Variants in SMARCAD1 observed in about 807,000 individuals in gnomAD.
SMARCAD1 encodes the protein SWI/SNF-related matrix-associated actin-dependent regulator of chromatin subfamily A containing DEAD/H box 1.
Under a neutral mutation model 127.1 loss-of-function variants are expected in SMARCAD1, and 25 were observed. The ratio of observed to expected loss-of-function variants is 0.20; its 90% CI spans 0.14 to 0.27. The LOEUF (loss-of-function observed/expected upper bound fraction) is 0.27. Among genes scored for constraint, SMARCAD1 ranks in the 10% least tolerant of loss-of-function variants. The pLI is 1.00. For synonymous variants in SMARCAD1, 400 were observed against 396.9 expected (o/e 1.01, Z -0.09); for missense variants, 807 against 1,206.0 (o/e 0.67, Z 4.90).
At chr4:94,229,715 C>T (rs1745537720) in intron 3 of SMARCAD1, among the ~76,000 whole-genome samples, 1 of 151,760 alleles carries the variant, frequency 6.6e-6, no homozygotes, top group South Asian at 2.1e-4. Flanking sequence ...TGTCATTGCC[C>T]TTTCAGCAGA....
At chr4:94,243,089 T>C (rs1747847724) in intron 6 of SMARCAD1, among the ~76,000 whole-genome samples, 1 of 152,202 alleles carries the variant, frequency 6.6e-6, no homozygotes, top group South Asian at 2.1e-4. Context: ...CCCACGTAGC[T>C]GGGATTACAG....
intron 2 of SMARCAD1, among the ~76,000 whole-genome samples, chr4:94,219,384 T>G (rs555096418): frequency 2.0e-5 from 3 of 152,178 alleles, no homozygotes; most frequent in Non-Finnish European, 4.4e-5. Flanking sequence ...CACTAGTGAT[T>G]TTTTTTGTTC....
intron 21 of SMARCAD1, among the ~76,000 whole-genome samples, chr4:94,282,219 C>A (rs1395717727): frequency 1.1e-5 from 1 of 93,312 alleles, no homozygotes; most frequent in African/African-American, 3.3e-5. Flanking sequence ...GCCTCAGCCT[C>A]CCGAGTAGCT....
chr4:94,214,361 A>G (rs932503706), intron 2 of SMARCAD1, among the ~76,000 whole-genome samples: 2 of 149,736 alleles, frequency 1.3e-5, no homozygotes, highest in African/African-American at 5.0e-5. Context: ...TCTCGGGTTC[A>G]TGCCATTCTT....
chr4:94,226,914 G>C (rs1745111646), intron 3 of SMARCAD1, among the ~76,000 whole-genome samples: 1 of 151,558 alleles, frequency 6.6e-6, no homozygotes, highest in South Asian at 2.1e-4. Flanking sequence ...ATGTTGTCCA[G>C]GCTGCTCTCA....
At chr4:94,231,856 T>C (rs1036014272) in intron 3 of SMARCAD1, among the ~76,000 whole-genome samples, 6 of 152,178 alleles carry the variant, frequency 3.9e-5, no homozygotes, top group African/African-American at 1.4e-4. Context: ...AAACAGATTT[T>C]TCTTTTTCTT....
chr4:94,240,662 A>G (rs938458059), intron 5 of SMARCAD1, among the ~76,000 whole-genome samples: 8 of 152,160 alleles, frequency 5.3e-5, no homozygotes, highest in African/African-American at 1.9e-4. Flanking sequence ...AGAGATGTAT[A>G]TTTTTAGATT....
intron 12 of SMARCAD1, 96 bp from the exon 13 acceptor site, chr4:94,274,642 A>G: frequency 8.5e-7 from 1 of 1,175,512 alleles, no homozygotes; most frequent in Non-Finnish European, 1.3e-6. Context: ...TAAAAGACTG[A>G]TTTCTGAGTA....
chr4:94,220,774 T>C lies in SMARCAD1; in HGVS notation c.191-5345T>C, dbSNP rs141472972. Among the ~76,000 whole-genome samples the C allele has an allele frequency of 6.7e-3, 1,022 of 152,378 alleles. 6 individuals carry two copies. Among genetic ancestry groups the C allele is most frequent in the Middle Eastern group, 0.054 (16 of 294 alleles). ...GGCTCTAGACGGTTCTAGTAGTCAATGTATTCTTAAAATTGTGTAAATGCC... is the reference window on the plus strand; with the variant it reads ...GGCTCTAGACGGTTCTAGTAGTCAACGTATTCTTAAAATTGTGTAAATGCC... On this transcript the variant is annotated intron_variant, in intron 2 of 23. Transcript: ENST00000354268.
chr4:94,214,890 A>G (rs1162665130), intron 2 of SMARCAD1, among the ~76,000 whole-genome samples: 2 of 151,984 alleles, frequency 1.3e-5, no homozygotes, highest in African/African-American at 4.8e-5. Flanking sequence ...GCACTTGTTG[A>G]TAAGTGAGAG....
At chr4:94,281,846 C>T (rs988211287) in intron 21 of SMARCAD1, among the ~76,000 whole-genome samples, 2 of 149,426 alleles carry the variant, frequency 1.3e-5, no homozygotes, top group Admixed American at 6.8e-5. Flanking sequence ...CATGACAAAA[C>T]CCTGTCTCTA....
chr4:94,258,040 CAT>C (rs1004782586), intron 9 of SMARCAD1, among the ~76,000 whole-genome samples: 14 of 150,636 alleles, frequency 9.3e-5, no homozygotes, highest in Admixed American at 3.3e-4. Flanking sequence ...ATTTTTTTCT[CAT>C]TTTTTTTCCT....
intron 9 of SMARCAD1, among the ~76,000 whole-genome samples, chr4:94,262,839 C>G (rs1377377657): frequency 2.2e-5 from 3 of 134,822 alleles, no homozygotes; most frequent in Non-Finnish European, 4.6e-5. Flanking sequence ...ACCACAAGGA[C>G]AGGGCTGTGT....
rs749684131 is a variant in SMARCAD1 at position 94,273,663 on chromosome 4, A to G, written c.1619A>G (p.Tyr540Cys). The G allele has an allele frequency of 4.3e-6, 7 of 1,613,924 alleles. No individual in the cohort carries two copies. Among genetic ancestry groups the G allele is most frequent in the Non-Finnish European group, 5.1e-6 (6 of 1,179,898 alleles). The change falls in exon 12 of 24, where the codon TAT becomes TGT. Residue 540 changes from tyrosine to cysteine, a missense_variant. This residue lies in a region of SMARCAD1 where 148 missense variants were observed against 313.2 expected (regional missense o/e 0.47). Transcript: ENST00000354268. ...GCCATTGCATTTCTGGCATACCTCTATCAGGAGGGTAATAATGGTCCTCAT... is the reference window on the plus strand; with the variant it reads ...GCCATTGCATTTCTGGCATACCTCTGTCAGGAGGGTAATAATGGTCCTCAT... ...IQAIAFLAYL[Y>C]QEGNNGPHLI...
At chr4:94,268,370 T>G (rs972308158) in intron 10 of SMARCAD1, among the ~76,000 whole-genome samples, 2 of 152,196 alleles carry the variant, frequency 1.3e-5, no homozygotes, top group Non-Finnish European at 2.9e-5. Flanking sequence ...AATTTTTGTT[T>G]ATTAAGAATA....
intron 2 of SMARCAD1, among the ~76,000 whole-genome samples, chr4:94,221,998 G>A (rs1407801580): frequency 2.6e-5 from 4 of 152,154 alleles, no homozygotes; most frequent in African/African-American, 9.7e-5. Context: ...TGTAAAACTG[G>A]TGGAAGATAA....
At chr4:94,233,377 T>C (rs1460940811) in intron 3 of SMARCAD1, among the ~76,000 whole-genome samples, 2 of 152,206 alleles carry the variant, frequency 1.3e-5, no homozygotes, top group Non-Finnish European at 2.9e-5. Context: ...GATAAACATA[T>C]GAAGTTAAAT....
intron 2 of SMARCAD1, 108 bp from the exon 3 acceptor site, chr4:94,226,011 G>T: frequency 1.0e-6 from 1 of 963,838 alleles, no homozygotes; most frequent in Non-Finnish European, 1.5e-6. Context: ...TTGATTTTTA[G>T]ATTGGAAACA....
chr4:94,234,854 C>G (rs970071717), intron 4 of SMARCAD1, among the ~76,000 whole-genome samples: 3 of 152,132 alleles, frequency 2.0e-5, no homozygotes, highest in African/African-American at 7.2e-5. Flanking sequence ...TTAGGAGTTA[C>G]CATATCTGTA....
Sources: gnomAD v4.1 joint callset for allele counts (sites outside exome capture counted in the v4.1 genomes callset) on GRCh38, gnomAD v4.1.1 for gene constraint, gnomAD v4.1.1 regional missense constraint, MANE v1.5 for transcripts, NCBI Gene and HGNC (gene_info 2026-07-23, HGNC 2026-07-21) for gene names.